The following NAA25 variants were observed in gnomAD, a reference collection of about 807,000 sequenced individuals.
NAA25 encodes the protein N-alpha-acetyltransferase 25, NatB auxiliary subunit, also known as N-terminal acetyltransferase B complex subunit NAA25.
In NAA25, 30 loss-of-function variants were observed where a neutral mutation model predicts 132.5. The observed-to-expected ratio is 0.23, with a 90% confidence interval of 0.17 to 0.31. The LOEUF (loss-of-function observed/expected upper bound fraction) is 0.31, where lower values mean the gene tolerates loss of function less well. Ranked by LOEUF, NAA25 falls within the 10% of genes least tolerant of loss-of-function variation. The pLI is 1.00. For synonymous variants in NAA25, 359 were observed against 401.9 expected (o/e 0.89, Z 1.28); for missense variants, 771 against 1,150.4 (o/e 0.67, Z 4.77).
intron 17 of NAA25, 137 bp from the exon 18 acceptor site, chr12:112,044,005 G>C: frequency 1.2e-6 from 1 of 815,674 alleles, no homozygotes; most frequent in Non-Finnish European, 1.8e-6. Flanking sequence ...TCTGCTCACT[G>C]CAAGCTCTGC....
chr12:112,090,615 A>T, intron 3 of NAA25, 111 bp downstream of exon 3: 1 of 1,082,076 alleles, frequency 9.2e-7, no homozygotes, highest in Non-Finnish European at 1.3e-6. Flanking sequence ...GCGTTATTCT[A>T]CCTACTGTAT....
chr12:112,064,634 A>G (rs7314282), intron 11 of NAA25, among the ~76,000 whole-genome samples: 69,344 of 152,126 alleles, frequency 0.46, 20,060 homozygotes, highest in East Asian at 0.9. Context: ...GCCTTCTTTA[A>G]TGAATTCTAA....
chr12:112,105,294 C>A (rs1232311712), intron 1 of NAA25, among the ~76,000 whole-genome samples: 4 of 152,032 alleles, frequency 2.6e-5, no homozygotes, highest in African/African-American at 7.2e-5. Context: ...GGTGACAGAG[C>A]CAGATCCTGT....
chr12:112,089,804 G>A (rs953766212), intron 3 of NAA25, among the ~76,000 whole-genome samples: 5 of 151,854 alleles, frequency 3.3e-5, no homozygotes, highest in African/African-American at 1.2e-4. Context: ...GACCAGCCCG[G>A]CCAACATGGT....
chr12:112,091,926 G>A (rs1566031486), intron 2 of NAA25, among the ~76,000 whole-genome samples: 1 of 152,184 alleles, frequency 6.6e-6, no homozygotes, highest in Non-Finnish European at 1.5e-5. Context: ...AATATGCAAA[G>A]AAATAAACAG....
chr12:112,030,576 G>A (rs2078136493), intron 23 of NAA25, among the ~76,000 whole-genome samples: 1 of 152,120 alleles, frequency 6.6e-6, no homozygotes, highest in Non-Finnish European at 1.5e-5. Flanking sequence ...GTTTGCTGTA[G>A]TAGAGATCAC....
intron 17 of NAA25, among the ~76,000 whole-genome samples, chr12:112,046,025 G>A (rs574571481): frequency 5.9e-5 from 9 of 152,166 alleles, no homozygotes; most frequent in Non-Finnish European, 1.3e-4. Context: ...AGCTATTATC[G>A]TTAGAAAGGC....
chr12:112,087,179 CA>C (rs1186899665), intron 4 of NAA25, among the ~76,000 whole-genome samples: 1 of 151,974 alleles, frequency 6.6e-6, no homozygotes, highest in Non-Finnish European at 1.5e-5. Context: ...TGGTAGCTGC[CA>C]AATAAGCTGC....
At chr12:112,054,781 C>T (rs191957659) in intron 13 of NAA25, among the ~76,000 whole-genome samples, 1 of 152,192 alleles carries the variant, frequency 6.6e-6, no homozygotes, top group East Asian at 1.9e-4. Context: ...TAAACATGCC[C>T]ACAGCAAAAA....
At chr12:112,077,152 A>G (rs1437193374) in intron 7 of NAA25, among the ~76,000 whole-genome samples, 1 of 151,838 alleles carries the variant, frequency 6.6e-6, no homozygotes, top group African/African-American at 2.4e-5. Context: ...AGGAAATACT[A>G]TTTAGTTAAA....
At position 112,053,540 on chromosome 12, in the gene NAA25, A is replaced by T; in HGVS notation, c.1728+18T>A. ...GTCAGCAGACAAGATCACAGTTAAA[A>T]AATAGTTTTTCACTTACATCTTTCT... is the stretch of plus-strand genomic sequence containing the variant. On this transcript the variant is annotated intron_variant, in intron 15 of 23. Transcript: ENST00000261745. The T allele has an allele frequency of 6.4e-7, 1 of 1,561,870 alleles. No homozygotes were observed. Among genetic ancestry groups the T allele is most frequent in the Non-Finnish European group, 8.8e-7 (1 of 1,138,506 alleles).
chr12:112,086,051 A>AATATATAT (rs1555238696), intron 4 of NAA25, among the ~76,000 whole-genome samples: 439 of 37,316 alleles, frequency 0.012, 5 homozygotes, highest in African/African-American at 0.018. Context: ...AAAAAAAAAA[A>AATATATAT]ATATATATAT....
chr12:112,079,701 C>A (rs2078942667), intron 5 of NAA25, among the ~76,000 whole-genome samples: 1 of 152,162 alleles, frequency 6.6e-6, no homozygotes, highest in African/African-American at 2.4e-5. Flanking sequence ...TAAATCCTTC[C>A]TCCCCATCCT....
chr12:112,043,986 G>GGT, intron 17 of NAA25, 118 bp from the exon 18 acceptor site: 10 of 1,014,454 alleles, frequency 9.9e-6, no homozygotes, highest in South Asian at 1.6e-5. Context: ...GGAGTGCAGT[G>GGT]GCACTATCTC....
At chr12:112,098,895 C>T (rs771927016) in intron 1 of NAA25, among the ~76,000 whole-genome samples, 6 of 152,272 alleles carry the variant, frequency 3.9e-5, no homozygotes, top group African/African-American at 9.6e-5. Flanking sequence ...TGAGCCACCA[C>T]GCCTGGCCCT....
In NAA25 at chr12:112,078,279, A is replaced by G; in HGVS notation, c.586-13T>C. 6.3e-7 allele frequency: 1 copy of G among 1,578,542 alleles called. No individual in the cohort carries two copies. Among genetic ancestry groups the G allele is most frequent in the Non-Finnish European group, 8.6e-7 (1 of 1,160,548 alleles). ...AATAAAGTTCAACCTTACAGAAAAA[A>G]AACAAGAAGTGCAACCTCTGAAACT... On this transcript the variant is annotated splice_polypyrimidine_tract_variant and intron_variant, in intron 6 of 23. Transcript: ENST00000261745.
intron 23 of NAA25, among the ~76,000 whole-genome samples, chr12:112,032,667 T>A (rs1215362904): frequency 6.6e-6 from 1 of 152,192 alleles, no homozygotes; most frequent in Non-Finnish European, 1.5e-5. Context: ...CAAAAAAGAA[T>A]CGTCATTTTA....
intron 22 of NAA25, among the ~76,000 whole-genome samples, chr12:112,037,994 GAT>G (rs778352197): frequency 3.9e-5 from 6 of 152,098 alleles, no homozygotes; most frequent in Admixed American, 1.3e-4. Context: ...ACATAATTGA[GAT>G]AAGTGGAAAA....
chr12:112,088,317 GTTTTTTTTT>G (rs1025838850), intron 3 of NAA25, among the ~76,000 whole-genome samples: 4 of 75,582 alleles, frequency 5.3e-5, no homozygotes, highest in Admixed American at 3.1e-4. Context: ...GTATATTGTA[GTTTTTTTTT>G]TTTTTTTTTT....
Sources: allele counts gnomAD v4.1 joint callset (sites outside exome capture counted in the v4.1 genomes callset), GRCh38; gene constraint gnomAD v4.1.1; transcripts MANE v1.5; gene names NCBI Gene and HGNC (gene_info 2026-07-23, HGNC 2026-07-21).